The following KCNK12 variants were observed in gnomAD, a reference collection of about 807,000 sequenced individuals.
The protein encoded by KCNK12 is potassium two pore domain channel subfamily K member 12, also known as potassium channel subfamily K member 12.
Under a neutral mutation model 25.3 loss-of-function variants are expected in KCNK12, and 6 were observed. The observed-to-expected ratio is 0.24, with a 90% confidence interval of 0.13 to 0.47. The LOEUF (loss-of-function observed/expected upper bound fraction) is 0.47, where lower values mean the gene tolerates loss of function less well. Ranked by LOEUF, KCNK12 falls within the 20% of genes least tolerant of loss-of-function variation. The pLI is 0.99. For missense variants in KCNK12, 444 were observed against 661.7 expected, an observed-to-expected ratio of 0.67 and a Z score of 3.61; for synonymous variants, 331 against 311.1, an observed-to-expected ratio of 1.06 and a Z score of -0.67.
At position 47,560,921 on chromosome 2, in the gene KCNK12, G is replaced by C. The variant is rs1669655975; in HGVS notation, c.391+9020C>G. Among the ~76,000 whole-genome samples the C allele has an allele frequency of 6.6e-6, 1 of 152,124 alleles. No homozygotes were observed. The highest frequency in any genetic ancestry group is 2.4e-5 in the African/African-American group (1 of 41,428). ...GTCCTGCTCCGGGAGGCTTCTGCCT[G>C]GGAAGGGGGTCCCGGTGCTTCCTCC... On this transcript the variant is annotated intron_variant, in intron 1 of 1. Coordinates refer to ENST00000327876, the MANE Select transcript of KCNK12 (RefSeq NM_022055.2). This position sits in a 1 kb window ranked among gnomAD's most constrained non-coding sequence, Gnocchi z 4.7.
rs145744439 is a variant in KCNK12 at position 47,513,843 on chromosome 2, C to CT, written c.*7063dup. 2.7e-3 allele frequency among the ~76,000 whole-genome samples: 415 copies of CT among 152,278 alleles called. 2 individuals carry two copies. The highest frequency in any genetic ancestry group is 8.8e-3 in the African/African-American group (365 of 41,546). On this transcript the variant is annotated 3_prime_UTR_variant, in exon 2 of 2. Coordinates refer to ENST00000327876, the MANE Select transcript of KCNK12 (RefSeq NM_022055.2). Reference sequence around the variant, plus strand: ...AAATCATTGATTCTGTGGACCTACTCTTTCGGGTGTCCCTCAAATCTCTCC... The same window carrying CT: ...AAATCATTGATTCTGTGGACCTACTCTTTTCGGGTGTCCCTCAAATCTCTCC...
intron 1 of KCNK12, among the ~76,000 whole-genome samples, chr2:47,524,835 G>C (rs995568865): frequency 6.6e-6 from 1 of 152,136 alleles, no homozygotes; most frequent in African/African-American, 2.4e-5. Context: ...TATAGGTGAG[G>C]GAGTAGGGGC....
rs11892690 is a variant in KCNK12 at position 47,569,123 on chromosome 2, A to G, written c.391+818T>C. ...GGGCCTGAAGGAGTATTGACACAGC[A>G]TTCTTCATAAGGTTGAGAAAACGTG... On this transcript the variant is annotated intron_variant, in intron 1 of 1. Transcript: ENST00000327876. This position sits in a 1 kb window ranked among gnomAD's most constrained non-coding sequence, Gnocchi z 4.1. Among the ~76,000 whole-genome samples, 838 of 152,292 alleles carry G rather than the reference A, an allele frequency of 5.5e-3. 11 individuals are homozygous for G. Among genetic ancestry groups the G allele is most frequent in the African/African-American group, 0.019 (797 of 41,562 alleles).
At position 47,562,008 on chromosome 2, in the gene KCNK12, C is replaced by T. The variant is rs932154716; in HGVS notation, c.391+7933G>A. 3 of 398,438 alleles carry T rather than the reference C, an allele frequency of 7.5e-6. No homozygotes were observed. Among genetic ancestry groups the T allele is most frequent in the Non-Finnish European group, 1.3e-5 (3 of 226,068 alleles). 24.7% of individuals were successfully genotyped at this position (398,438 alleles called of 1,614,324 possible). A position where few individuals can be genotyped will look rare whatever the true frequency, so the allele number is the denominator to read the frequency against. On this transcript the variant is annotated intron_variant, in intron 1 of 1. Coordinates refer to ENST00000327876, the MANE Select transcript of KCNK12 (RefSeq NM_022055.2). This position sits in a 1 kb window ranked among gnomAD's most constrained non-coding sequence, Gnocchi z 4.8. ...AGGCACTGAATGGTGATATGTCCTG[C>T]CTAAAGCCACGCAGCCAGTTAGTGG...
intron 1 of KCNK12, among the ~76,000 whole-genome samples, chr2:47,531,395 C>T (rs938669411): frequency 3.3e-5 from 5 of 151,938 alleles, no homozygotes; most frequent in African/African-American, 7.3e-5. Flanking sequence ...ATGGCTTGAG[C>T]CCTGGAGGTC....
Position 47,570,831 on chromosome 2 carries a change from T to G in KCNK12, c.-500A>C, listed in dbSNP as rs1031078778. On this transcript the variant is annotated 5_prime_UTR_variant, in exon 1 of 2. Coordinates refer to ENST00000327876, the MANE Select transcript of KCNK12 (RefSeq NM_022055.2). ...CCATGAGGCGTTCGGGATCGGCGCCTCCTAGGTGCGGGCTGTGCGGGCAGT... is the reference window on the plus strand; with the variant it reads ...CCATGAGGCGTTCGGGATCGGCGCCGCCTAGGTGCGGGCTGTGCGGGCAGT... 9 of 152,210 alleles carry G rather than the reference T, an allele frequency of 5.9e-5. No individual in the cohort carries two copies. Among genetic ancestry groups the G allele is most frequent in the African/African-American group, 2.2e-4 (9 of 41,526 alleles). 9.4% of individuals were successfully genotyped at this position (152,210 alleles called of 1,614,324 possible). A position where few individuals can be genotyped will look rare whatever the true frequency, so the allele number is the denominator to read the frequency against.
chr2:47,561,242 G>A (rs936095138), intron 1 of KCNK12, among the ~76,000 whole-genome samples: 17 of 152,296 alleles, frequency 1.1e-4, no homozygotes, highest in South Asian at 2.1e-4. Flanking sequence ...CCGGGTGTGG[G>A]GGGCAGAGAA....
Position 47,539,045 on chromosome 2 carries a change from T to C in KCNK12, c.392-17237A>G, listed in dbSNP as rs11895238. Among the ~76,000 whole-genome samples, 1,426 of 152,368 alleles carry C rather than the reference T, an allele frequency of 9.4e-3. 20 individuals carry two copies. Among genetic ancestry groups the C allele is most frequent in the African/African-American group, 0.032 (1,340 of 41,588 alleles). ...GGAAATTCGATGAAACGAACACCCA[T>C]CAACATCTTTAATAGCTGCAAGCAA... is the stretch of plus-strand genomic sequence containing the variant. On this transcript the variant is annotated intron_variant, in intron 1 of 1. Coordinates refer to ENST00000327876, the MANE Select transcript of KCNK12 (RefSeq NM_022055.2).
At position 47,570,701 on chromosome 2, in the gene KCNK12, T is replaced by G; in HGVS notation, c.-370A>C. 6.5e-6 allele frequency: 1 copy of G among 153,836 alleles called. No individual in the cohort carries two copies. Among genetic ancestry groups the G allele is most frequent in the Non-Finnish European group, 1.4e-5 (1 of 69,532 alleles). 9.5% of individuals were successfully genotyped at this position (153,836 alleles called of 1,614,324 possible). ...GTCCGCGGGGCCCCGGGCCTCATAC[T>G]CCTCTCCAGACAGGCCGCGGGCTGC... On this transcript the variant is annotated 5_prime_UTR_variant, in exon 1 of 2. Transcript: ENST00000327876.
Position 47,521,940 on chromosome 2 carries a change from G to C in KCNK12, c.392-132C>G. 4 of 714,230 alleles carry C rather than the reference G, an allele frequency of 5.6e-6. No individual in the cohort carries two copies. The East Asian group carries it at 1.2e-4, about 21-fold the overall frequency. 44.2% of individuals were successfully genotyped at this position (714,230 alleles called of 1,614,324 possible). On this transcript the variant is annotated intron_variant, in intron 1 of 1. Coordinates refer to ENST00000327876, the MANE Select transcript of KCNK12 (RefSeq NM_022055.2). ...CTATCTCGAGTGGCACCACTCAGGT[G>C]GAGGAAGAACAGCACTTAGTCATTT...
Position 47,517,031 on chromosome 2 carries a change from A to G in KCNK12, c.*3876T>C, listed in dbSNP as rs142086137. 2.0e-5 allele frequency: 3 copies of G among 152,298 alleles called. No individual in the cohort carries two copies. Among genetic ancestry groups the G allele is most frequent in the Admixed American group, 6.5e-5 (1 of 15,300 alleles). The allele number at this position is 152,298 out of a possible 1,614,324, so 9.4% of individuals were successfully genotyped here. ...CACCACCAGCACATTATACAACAAT[A>G]CAAGAACCCTGCAACAGATAAAGCC... On this transcript the variant is annotated 3_prime_UTR_variant, in exon 2 of 2. Coordinates refer to ENST00000327876, the MANE Select transcript of KCNK12 (RefSeq NM_022055.2). This position sits in a 1 kb window ranked among gnomAD's most constrained non-coding sequence, Gnocchi z 4.1.
At position 47,548,620 on chromosome 2, in the gene KCNK12, G is replaced by A. The variant is rs1262365297; in HGVS notation, c.391+21321C>T. On this transcript the variant is annotated intron_variant, in intron 1 of 1. Transcript: ENST00000327876. This position sits in a 1 kb window ranked among gnomAD's most constrained non-coding sequence, Gnocchi z 4.4. ...ATTCTACACACTGACTTTCGCTTCA[G>A]GCCACGAGGGCGTAGCTGAATCCAG... 1.3e-5 allele frequency among the ~76,000 whole-genome samples: 2 copies of A among 152,278 alleles called. No homozygotes were observed. Among genetic ancestry groups the A allele is most frequent in the Non-Finnish European group, 2.9e-5 (2 of 68,028 alleles).
rs897782695 is a variant in KCNK12, at chr2:47,555,719, G to A, written c.391+14222C>T. 2 of 152,054 alleles carry A rather than the reference G, an allele frequency of 1.3e-5. No individual in the cohort carries two copies. The highest frequency in any genetic ancestry group is 2.9e-5 in the Non-Finnish European group (2 of 68,024). 9.4% of individuals were successfully genotyped at this position (152,054 alleles called of 1,614,324 possible). On this transcript the variant is annotated intron_variant, in intron 1 of 1. Coordinates refer to ENST00000327876, the MANE Select transcript of KCNK12 (RefSeq NM_022055.2). This position sits in a 1 kb window ranked among gnomAD's most constrained non-coding sequence, Gnocchi z 4.5. ...AGCGGCTGAAAATAAGAAAATGTAG[G>A]GGAAAAGCTTTTCCTCTACAGGTGA...
chr2:47,520,839 A>G lies in KCNK12; in HGVS notation c.*68T>C. 1 of 1,082,082 alleles carries G rather than the reference A, an allele frequency of 9.2e-7. No homozygotes were observed. Among genetic ancestry groups the G allele is most frequent in the Non-Finnish European group, 1.2e-6 (1 of 849,168 alleles). The allele number at this position is 1,082,082 out of a possible 1,614,324, so 67.0% of individuals were successfully genotyped here. A position where few individuals can be genotyped will look rare whatever the true frequency, so the allele number is the denominator to read the frequency against. On this transcript the variant is annotated 3_prime_UTR_variant, in exon 2 of 2. Coordinates refer to ENST00000327876, the MANE Select transcript of KCNK12 (RefSeq NM_022055.2). The surrounding 1 kb of genome is among the most constrained non-coding windows in gnomAD (Gnocchi z 5.0). ...ATTAAGAAAGCGCCAGCAGTGACTG[A>G]GAGAAGCAAACCACGCCCGGCGGCC... is the stretch of plus-strand genomic sequence containing the variant.
chr2:47,563,057 T>A (rs1174416625), intron 1 of KCNK12: 3 of 233,158 alleles, frequency 1.3e-5, no homozygotes, highest in Non-Finnish European at 2.5e-5. Context: ...GTTTCCAAGA[T>A]CCTCTGAATC....
chr2:47,522,482 A>G (rs1314026682), intron 1 of KCNK12, among the ~76,000 whole-genome samples: 1 of 152,160 alleles, frequency 6.6e-6, no homozygotes, highest in Non-Finnish European at 1.5e-5. Flanking sequence ...TCAAACGATC[A>G]TATTTTCTTT....
rs182835936 is a variant in KCNK12, at chr2:47,547,984, C to T, written c.391+21957G>A. On this transcript the variant is annotated intron_variant, in intron 1 of 1. Coordinates refer to ENST00000327876, the MANE Select transcript of KCNK12 (RefSeq NM_022055.2). This position sits in a 1 kb window ranked among gnomAD's most constrained non-coding sequence, Gnocchi z 5.0. ...ACATGGGGGTGGATTTCCCCCTTGC[C>T]GTTCTCATGATAGTAAGTTCTCATG... Among the ~76,000 whole-genome samples, 151 of 152,148 alleles carry T rather than the reference C, an allele frequency of 9.9e-4. No homozygotes were observed. Among genetic ancestry groups the T allele is most frequent in the Non-Finnish European group, 1.0e-3 (71 of 68,002 alleles).
Position 47,513,485 on chromosome 2 carries a change from G to A in KCNK12, c.*7422C>T, listed in dbSNP as rs1668452322. The stretch of plus-strand genomic sequence containing the variant: ...TCTTCCTCCTGTCCCTTAAATGCTG[G>A]TTGTGATCCTCTTTTTATCTCATTC... On this transcript the variant is annotated 3_prime_UTR_variant, in exon 2 of 2. Coordinates refer to ENST00000327876, the MANE Select transcript of KCNK12 (RefSeq NM_022055.2). Among the ~76,000 whole-genome samples the A allele has an allele frequency of 1.3e-5, 2 of 151,970 alleles. No homozygotes were observed. Among genetic ancestry groups the A allele is most frequent in the South Asian group, 4.2e-4 (2 of 4,816 alleles).
At chr2:47,558,603 G>C (rs1022427056) in intron 1 of KCNK12, among the ~76,000 whole-genome samples, 1 of 152,198 alleles carries the variant, frequency 6.6e-6, no homozygotes, top group East Asian at 1.9e-4. Flanking sequence ...GCAGGTCCTG[G>C]TGTTAGCAGC....
Sources: gnomAD v4.1 joint callset for allele counts (sites outside exome capture counted in the v4.1 genomes callset) on GRCh38, gnomAD v4.1.1 for gene constraint, Gnocchi (gnomAD v3.1) non-coding constraint, MANE v1.5 for transcripts, NCBI Gene and HGNC (gene_info 2026-07-23, HGNC 2026-07-21) for gene names.